Variants in FBXO27 observed in about 807,000 individuals in gnomAD.
The protein encoded by FBXO27 is F-box protein 27.
FBXO27 carries 28 observed loss-of-function variants against 28.3 expected under a neutral mutation model. The observed-to-expected ratio is 0.99, with a 90% CI of 0.73 to 1.36. The LOEUF is 1.36. FBXO27 is among the 40% of genes most tolerant of loss of function. The pLI, the probability that FBXO27 is intolerant of heterozygous loss-of-function variation, is 0.00. For missense variants in FBXO27, 388 were observed against 394.1 expected (o/e 0.98, Z 0.13); for synonymous variants, 175 against 167.3 (o/e 1.05, Z -0.36).
intron 1 of FBXO27, among the ~76,000 whole-genome samples, chr19:39,017,476 C>A (rs2072825397): frequency 6.6e-6 from 1 of 151,974 alleles, no homozygotes; most frequent in Non-Finnish European, 1.5e-5. Flanking sequence ...GGTGGATCAC[C>A]TGAGGTCAGG....
Position 39,032,040 on chromosome 19 carries a change from C to T in FBXO27, c.188G>A (p.Gly63Asp), listed in dbSNP as rs752735983. 2 of 1,529,706 alleles carry T rather than the reference C, an allele frequency of 1.3e-6. No individual in the cohort carries two copies. The highest frequency in any genetic ancestry group is 8.7e-7 in the Non-Finnish European group (1 of 1,143,854). 94.8% of individuals were successfully genotyped at this position (1,529,706 alleles called of 1,614,324 possible). A position where few individuals can be genotyped will look rare whatever the true frequency, so the allele number is the denominator to read the frequency against. Residue 63 changes from glycine (G) to aspartate (D), a missense_variant, in exon 2 of 6, where the codon GGC (glycine) becomes GAC (aspartate). Physicochemically the swap from Gly to Asp is moderately conservative, Grantham distance 94 (BLOSUM62 -1). Transcript: ENST00000292853. The surrounding 1 kb of genome is among the most constrained non-coding windows in gnomAD (Gnocchi z 4.7). ...CAGGATCAGCAGCCACAGGGCCTGG[C>T]CGTCCACCAGGGCTCGCCAGCCCCG... is the stretch of plus-strand genomic sequence containing the variant. The part of the protein sequence containing the change: ...VCRGWRALVD[G>D]QALWLLILAR...
chr19:39,021,923 A>ACTGG (rs1206646386), downstream of FBXO27, among the ~76,000 whole-genome samples: 85 of 151,984 alleles, frequency 5.6e-4, no homozygotes, highest in Non-Finnish European at 1.0e-3. Context: ...AGCCTCCCAA[A>ACTGG]GTGCTGGGAT....
chr19:39,008,713 G>C (rs985216505), intron 2 of FBXO27, among the ~76,000 whole-genome samples: 1 of 152,106 alleles, frequency 6.6e-6, no homozygotes. Flanking sequence ...CAGATTTTCC[G>C]ATTCTGGGCA....
At chr19:39,007,246 C>G (rs368263313) in intron 2 of FBXO27, among the ~76,000 whole-genome samples, 1 of 152,112 alleles carries the variant, frequency 6.6e-6, no homozygotes, top group Non-Finnish European at 1.5e-5. Context: ...CCAGTCCAAA[C>G]GGATCTGCTC....
chr19:39,029,536 C>CT (rs1460756234), intron 4 of FBXO27, among the ~76,000 whole-genome samples: 2 of 151,640 alleles, frequency 1.3e-5, no homozygotes, highest in African/African-American at 2.4e-5. Context: ...TAGTGAGGGG[C>CT]TTTTTTCCTA....
rs906297505 is a variant in FBXO27 at position 39,024,504 on chromosome 19, T to A, written c.*907A>T. 6.7e-6 allele frequency: 1 copy of A among 148,212 alleles called. No homozygotes were observed. Among genetic ancestry groups the A allele is most frequent in the Non-Finnish European group, 1.5e-5 (1 of 67,112 alleles). 9.2% of individuals were successfully genotyped at this position (148,212 alleles called of 1,614,324 possible). A position where few individuals can be genotyped will look rare whatever the true frequency, so the allele number is the denominator to read the frequency against. ...CCTCCCAAAGTGCAGGGATTACAGG[T>A]GTGAGCCACCCTGCCTGATCCAAAC... On this transcript the variant is annotated 3_prime_UTR_variant, in exon 6 of 6. Transcript: ENST00000292853.
intron 1 of FBXO27, among the ~76,000 whole-genome samples, chr19:39,018,480 C>T (rs631952): frequency 0.87 from 132,918 of 152,080 alleles, 58,254 homozygotes; most frequent in African/African-American, 0.94. Flanking sequence ...ATTTTTCATC[C>T]TGTTGAGTGC....
Position 39,032,103 on chromosome 19 carries a change from G to T in FBXO27, c.125C>A (p.Pro42His). The change falls in exon 2 of 6, where the codon CCC (proline) becomes CAC (histidine). Residue 42 changes from proline (P) to histidine (H), a missense_variant. Transcript: ENST00000292853. This position sits in a 1 kb window ranked among gnomAD's most constrained non-coding sequence, Gnocchi z 4.7. ...ELLLVVLSHV[P>H]PRTLLGRCRQ... ...GCAGCGCCCGAGCAGCGTGCGCGGG[G>T]GGACGTGGCTCAGCACCACCAGAAG... is the stretch of plus-strand genomic sequence containing the variant. 6.5e-7 allele frequency: 1 copy of T among 1,531,690 alleles called. No homozygotes were observed. The highest frequency in any genetic ancestry group is 8.7e-7 in the Non-Finnish European group (1 of 1,146,778). The allele number at this position is 1,531,690 out of a possible 1,614,324, so 94.9% of individuals were successfully genotyped here.
At position 39,032,251 on chromosome 19, in the gene FBXO27, T is replaced by A; in HGVS notation, c.-24A>T. 1 of 1,418,636 alleles carries A rather than the reference T, an allele frequency of 7.0e-7. No homozygotes were observed. Among genetic ancestry groups the A allele is most frequent in the Non-Finnish European group, 9.1e-7 (1 of 1,094,868 alleles). The allele number at this position is 1,418,636 out of a possible 1,614,324, so 87.9% of individuals were successfully genotyped here. On this transcript the variant is annotated splice_region_variant and 5_prime_UTR_variant, in exon 2 of 6. Coordinates refer to ENST00000292853, the MANE Select transcript of FBXO27 (RefSeq NM_178820.5). This position sits in a 1 kb window ranked among gnomAD's most constrained non-coding sequence, Gnocchi z 4.7. ...ATGGTCCCCCCGCCAGGCCCGGCTG[T>A]GGCTGCGGGAGAGGAAGGGTCAAGG...
At position 39,031,036 on chromosome 19, in the gene FBXO27, A is replaced by C; in HGVS notation, c.565T>G (p.Ser189Ala). The C allele has an allele frequency of 6.2e-7, 1 of 1,612,670 alleles. No individual in the cohort carries two copies. The highest frequency in any genetic ancestry group is 8.5e-7 in the Non-Finnish European group (1 of 1,179,762). The change falls in exon 4 of 6, where the codon TCT (serine) becomes GCT (alanine). Residue 189 changes from serine (S) to alanine (A), a missense_variant. Transcript: ENST00000292853. ...TTTAATCGTCACACTCACCAGTCAG[A>C]GACACAAATCTCAATCCTGCCACTA... is the stretch of plus-strand genomic sequence containing the variant. Reference protein sequence around the residue: ...LDSGRIEICVSDWWGARHDSG... With the variant: ...LDSGRIEICVADWWGARHDSG...
At chr19:39,008,629 C>T (rs904724465) in intron 2 of FBXO27, among the ~76,000 whole-genome samples, 2 of 152,106 alleles carry the variant, frequency 1.3e-5, no homozygotes, top group Non-Finnish European at 1.5e-5. Flanking sequence ...CCAAACAATC[C>T]GTGTACCTGT....
At chr19:39,031,498 G>T (rs1304642265) in intron 2 of FBXO27, 178 bp from the exon 3 acceptor site, 6 of 631,372 alleles carry the variant, frequency 9.5e-6, no homozygotes, top group African/African-American at 1.9e-5. Flanking sequence ...CGCTCCTCTG[G>T]CCCTTCTCAC....
intron 2 of FBXO27, among the ~76,000 whole-genome samples, chr19:39,011,142 G>A (rs763819905): frequency 3.3e-5 from 5 of 152,160 alleles, no homozygotes; most frequent in Non-Finnish European, 7.3e-5. Context: ...TTAAAATTTT[G>A]ACAAGTGGCC....
intron 2 of FBXO27, 109 bp from the exon 3 acceptor site, chr19:39,031,429 C>A: frequency 1.0e-6 from 1 of 963,690 alleles, no homozygotes; most frequent in Non-Finnish European, 1.6e-6. Flanking sequence ...GCTCACTCAC[C>A]TGACCCTTCC....
chr19:39,017,777 T>C lies in FBXO27; in HGVS notation c.92-3230A>G, dbSNP rs187688027. ...ACCTACTCAAATGTCTATCAATAAA[T>C]TCAACACTTAATAGTTGGAATAGAA... On this transcript the variant is annotated intron_variant, in intron 1 of 2. Coordinates refer to the FBXO27 transcript ENST00000598394. Among the ~76,000 whole-genome samples, 207 of 152,134 alleles carry C rather than the reference T, an allele frequency of 1.4e-3. 1 individual carries two copies. Among genetic ancestry groups the C allele is most frequent in the African/African-American group, 4.7e-3 (194 of 41,502 alleles).
intron 2 of FBXO27, among the ~76,000 whole-genome samples, chr19:39,011,305 G>T (rs563925070): frequency 1.3e-5 from 2 of 152,210 alleles, no homozygotes; most frequent in East Asian, 3.9e-4. Flanking sequence ...GGTGTCACCC[G>T]CCTGTAATCC....
chr19:39,009,896 G>A (rs1023386818), intron 2 of FBXO27, among the ~76,000 whole-genome samples: 2 of 151,982 alleles, frequency 1.3e-5, no homozygotes, highest in Non-Finnish European at 2.9e-5. Context: ...TGCAACCTGC[G>A]TCCCCTGGGT....
intron 2 of FBXO27, among the ~76,000 whole-genome samples, chr19:39,012,981 A>AAACG (rs139368151): frequency 6.6e-6 from 1 of 150,740 alleles, no homozygotes; most frequent in Non-Finnish European, 1.5e-5. Context: ...ACAAACAAAC[A>AAACG]AACGAACAAA....
intron 2 of FBXO27, among the ~76,000 whole-genome samples, chr19:39,008,277 AAAG>A (rs904323358): frequency 3.3e-5 from 5 of 151,374 alleles, no homozygotes; most frequent in Admixed American, 2.0e-4. Context: ...AAAAAAAAAA[AAAG>A]AAGGTTTTAT....
Sources: allele counts gnomAD v4.1 joint callset (sites outside exome capture counted in the v4.1 genomes callset), GRCh38; gene constraint gnomAD v4.1.1; non-coding constraint Gnocchi (gnomAD v3.1); transcripts MANE v1.5; gene names NCBI Gene and HGNC (gene_info 2026-07-23, HGNC 2026-07-21).